The following CNBD1 variants were observed in gnomAD, a reference collection of about 807,000 sequenced individuals.
CNBD1 encodes cyclic nucleotide-binding domain-containing protein 1.
CNBD1 carries 71 observed loss-of-function variants against 54.4 expected under a neutral mutation model. The ratio of observed to expected loss-of-function variants is 1.30; its 90% confidence interval spans 1.08 to 1.59. The LOEUF (loss-of-function observed/expected upper bound fraction) is 1.59, where lower values mean the gene tolerates loss of function less well. Among genes scored for constraint, CNBD1 ranks in the 40% most tolerant of loss-of-function variants. CNBD1 has a pLI of 0.00. For missense variants in CNBD1, 659 were observed against 518.0 expected (o/e 1.27, Z -2.64); for synonymous variants, 182 against 170.7 (o/e 1.07, Z -0.51).
At chr8:87,032,754 A>T (rs371745878) in intron 4 of CNBD1, among the ~76,000 whole-genome samples, 2 of 152,344 alleles carry the variant, frequency 1.3e-5, no homozygotes, top group East Asian at 3.9e-4. Context: ...TAGAAAGATC[A>T]ATGTCATAAA....
intron 6 of CNBD1, among the ~76,000 whole-genome samples, chr8:87,265,707 C>T (rs1004972298): frequency 2.6e-5 from 4 of 152,166 alleles, no homozygotes; most frequent in South Asian, 2.1e-4. Context: ...CACATCCATT[C>T]ACTATATATC....
chr8:87,069,977 T>G (rs1810727914), intron 4 of CNBD1, among the ~76,000 whole-genome samples: 1 of 152,072 alleles, frequency 6.6e-6, no homozygotes, highest in African/African-American at 2.4e-5. Flanking sequence ...TGTTCAGTTT[T>G]ATTTTGGTTG....
intron 10 of CNBD1, among the ~76,000 whole-genome samples, chr8:87,376,400 C>T (rs1250792707): frequency 1.3e-5 from 2 of 151,756 alleles, no homozygotes; most frequent in African/African-American, 4.8e-5. Flanking sequence ...AATTACTTGC[C>T]AGAAGAAACC....
chr8:86,978,004 A>G (rs1204610457), intron 4 of CNBD1, among the ~76,000 whole-genome samples: 1 of 152,114 alleles, frequency 6.6e-6, no homozygotes, highest in East Asian at 1.9e-4. Flanking sequence ...AGTAAACTAA[A>G]CTCAACAGTA....
rs578172625 is a variant in CNBD1 at position 87,425,515 on chromosome 8, G to T, written c.214-3031G>T. ...GGTTTTTGGTGTGGATGTCCTTTCT[G>T]TTTGTTAGTTTTCCTTCTAACACAC... On this transcript the variant is annotated intron_variant, in intron 2 of 7. Transcript: ENST00000521593. Among the ~76,000 whole-genome samples, 1,113 of 152,232 alleles carry T rather than the reference G, an allele frequency of 7.3e-3. 13 individuals carry two copies. The highest frequency in any genetic ancestry group is 0.025 in the African/African-American group (1,054 of 41,530).
At chr8:87,359,705 A>G (rs1357650327) in intron 10 of CNBD1, among the ~76,000 whole-genome samples, 1 of 152,090 alleles carries the variant, frequency 6.6e-6, no homozygotes, top group Non-Finnish European at 1.5e-5. Flanking sequence ...CTCAAGAGAA[A>G]GTAAAATGAG....
In CNBD1 at chr8:87,369,891, C is replaced by A. The variant is rs573007209; in HGVS notation, c.1304-12729C>A. Among the ~76,000 whole-genome samples the A allele has an allele frequency of 3.9e-5, 6 of 151,982 alleles. No homozygotes were observed. The South Asian group carries it at 6.2e-4, about 16-fold the overall frequency. On this transcript the variant is annotated intron_variant, in intron 10 of 10. Transcript: ENST00000518476. ...ATCCCTCCCCACTCCCCCGACCCCA[C>A]AACAGTCCCCAGAGTGTGATGTTCC...
At chr8:87,349,323 G>C (rs1810235512) in intron 8 of CNBD1, among the ~76,000 whole-genome samples, 1 of 152,208 alleles carries the variant, frequency 6.6e-6, no homozygotes. Context: ...GCATGATTCT[G>C]TTTCTAGTCC....
At chr8:87,025,378 T>A (rs1023874069) in intron 4 of CNBD1, among the ~76,000 whole-genome samples, 1 of 152,194 alleles carries the variant, frequency 6.6e-6, no homozygotes, top group East Asian at 1.9e-4. Flanking sequence ...GCTCACTCTT[T>A]GGGTCCACAC....
At chr8:86,917,453 C>T (rs1427551928) in intron 3 of CNBD1, among the ~76,000 whole-genome samples, 1 of 152,176 alleles carries the variant, frequency 6.6e-6, no homozygotes, top group Non-Finnish European at 1.5e-5. Context: ...GTCTTGTGAT[C>T]TACCTCGAGT....
At chr8:87,337,355 CCT>C (rs1292454371) in intron 8 of CNBD1, among the ~76,000 whole-genome samples, 2 of 152,170 alleles carry the variant, frequency 1.3e-5, no homozygotes, top group Non-Finnish European at 2.9e-5. Flanking sequence ...CCAACTAGGT[CCT>C]CAGACCCAGG....
chr8:87,052,469 T>G (rs1011804234), intron 4 of CNBD1, among the ~76,000 whole-genome samples: 5 of 152,220 alleles, frequency 3.3e-5, no homozygotes, highest in Non-Finnish European at 7.3e-5. Context: ...GCCCTGATCC[T>G]TTATAAGCAT....
At chr8:87,310,313 C>A (rs1334999710) in intron 8 of CNBD1, among the ~76,000 whole-genome samples, 1 of 152,086 alleles carries the variant, frequency 6.6e-6, no homozygotes, top group Non-Finnish European at 1.5e-5. Context: ...TGTGATCATG[C>A]CACTGCACTC....
intron 4 of CNBD1, among the ~76,000 whole-genome samples, chr8:87,159,249 C>T (rs1171963040): frequency 6.6e-6 from 1 of 152,086 alleles, no homozygotes; most frequent in Non-Finnish European, 1.5e-5. Flanking sequence ...TATATAAACA[C>T]CAGTGGCCTT....
intron 4 of CNBD1, among the ~76,000 whole-genome samples, chr8:87,126,653 G>A (rs377260403): frequency 6.6e-6 from 1 of 151,880 alleles, no homozygotes; most frequent in African/African-American, 2.4e-5. Flanking sequence ...AAATTTTGAT[G>A]AAGTTTAACA....
intron 1 of CNBD1, among the ~76,000 whole-genome samples, chr8:86,867,319 T>C (rs1396101619): frequency 6.6e-6 from 1 of 152,192 alleles, no homozygotes; most frequent in Non-Finnish European, 1.5e-5. Context: ...ATAACAAAGG[T>C]AATACTTGTG....
At chr8:86,982,141 C>T (rs1808501466) in intron 4 of CNBD1, among the ~76,000 whole-genome samples, 1 of 152,056 alleles carries the variant, frequency 6.6e-6, no homozygotes, top group African/African-American at 2.4e-5. Context: ...ATTTAATTTT[C>T]ATTTCTTTAA....
rs1309204172 is a variant in CNBD1 at position 87,166,690 on chromosome 8, G to C, written c.432-39303G>C. ...CTCAGGTTTTCTGATATTTGCACAT[G>C]TTTGTTTCTATTTGGACAGTTCTTT... On this transcript the variant is annotated intron_variant, in intron 4 of 10. Coordinates refer to ENST00000518476, the MANE Select transcript of CNBD1 (RefSeq NM_173538.3). This position sits in a 1 kb window ranked among gnomAD's most constrained non-coding sequence, Gnocchi z 4.3. Among the ~76,000 whole-genome samples, 1 of 151,708 alleles carries C rather than the reference G, an allele frequency of 6.6e-6. No individual in the cohort carries two copies. The highest frequency in any genetic ancestry group is 2.4e-5 in the African/African-American group (1 of 41,342).
intron 10 of CNBD1, among the ~76,000 whole-genome samples, chr8:87,356,670 T>A (rs1262668714): frequency 1.3e-5 from 2 of 152,076 alleles, no homozygotes; most frequent in Non-Finnish European, 2.9e-5. Context: ...AGCATAAAAT[T>A]TGAAAAATTC....
Sources: gnomAD v4.1 joint callset for allele counts (sites outside exome capture counted in the v4.1 genomes callset) on GRCh38, gnomAD v4.1.1 for gene constraint, Gnocchi (gnomAD v3.1) non-coding constraint, MANE v1.5 for transcripts, NCBI Gene and HGNC (gene_info 2026-07-23, HGNC 2026-07-21) for gene names.